Variants in MSL3 observed in about 807,000 individuals in gnomAD.
MSL3 encodes MSL complex subunit 3, also known as MSL3-like 1.
In MSL3, 5 loss-of-function variants were observed where a neutral mutation model predicts 37.2. The observed-to-expected ratio is 0.13, with a 90% CI of 0.07 to 0.28. The LOEUF (loss-of-function observed/expected upper bound fraction) is 0.28, where lower values mean the gene tolerates loss of function less well. MSL3 is among the 10% of genes least tolerant of loss of function. The pLI, the probability that MSL3 is intolerant of heterozygous loss-of-function variation, is 1.00. For synonymous variants in MSL3, 149 were observed against 147.6 expected (o/e 1.01, Z -0.07); for missense variants, 315 against 408.5 (o/e 0.77, Z 1.97).
chrX:11,768,773 T>A, intron 10 of MSL3, 91 bp downstream of exon 10: 1 of 585,916 alleles, frequency 1.7e-6, no homozygotes, highest in Non-Finnish European at 2.9e-6. Flanking sequence ...TAAAGCATCA[T>A]GTTGCTGCTA....
chrX:11,764,454 T>C (rs182936570), intron 8 of MSL3, among the ~76,000 whole-genome samples: 1 of 111,137 alleles, frequency 9.0e-6, no homozygotes, highest in Non-Finnish European at 1.9e-5. Flanking sequence ...GTCACCACTT[T>C]TCCTCCCTCA....
chrX:11,762,386 GT>G (rs1236580265), intron 6 of MSL3, 134 bp downstream of exon 6: 1 of 551,825 alleles, frequency 1.8e-6, no homozygotes, highest in African/African-American at 2.4e-5. Context: ...ATTGAGTCAG[GT>G]TTTAAAGTTC....
Position 11,758,312 on chromosome X carries a change from G to A in MSL3, c.49G>A (p.Val17Met). 8.8e-7 allele frequency: 1 copy of A among 1,131,489 alleles called. No individual in the cohort carries two copies. The highest frequency in any genetic ancestry group is 1.2e-6 in the Non-Finnish European group (1 of 851,939). 93.2% of individuals were successfully genotyped at this position (1,131,489 alleles called of 1,213,427 possible). ...ATTTAAATTCCACTCAGGGGAGAAA[G>A]TGCTGTGCTTCGAGCCTGACCCCAC... ...MKFKFHSGEK[V>M]LCFEPDPTKA... Residue 17 changes from valine (V) to methionine (M), a missense_variant, in exon 1 of 13, where the codon GTG becomes ATG. Physicochemically the swap from Val to Met is conservative, Grantham distance 21. Transcript: ENST00000312196.
At chrX:11,761,366 G>A in intron 4 of MSL3, 134 bp from the exon 5 acceptor site, 1 of 411,080 alleles carries the variant, frequency 2.4e-6, no homozygotes, top group Non-Finnish European at 4.3e-6. Context: ...CAGTATTTGT[G>A]TTTGGCATTT....
chrX:11,767,251 A>G, intron 9 of MSL3: 1 of 754,654 alleles, frequency 1.3e-6, no homozygotes, highest in Non-Finnish European at 1.6e-6. Context: ...CTTTAAGAGA[A>G]GCCCTTTGAA....
rs1001462285 is a variant in MSL3, at chrX:11,772,011, A to C, written c.1282-145A>C. On this transcript the variant is annotated intron_variant, in intron 10 of 12. Transcript: ENST00000312196. ...TCTATTTTAAGTGTTTTTGCCTTTCATCTTTGTTTTTTGTAAGCTTGTGTT... is the reference window on the plus strand; with the variant it reads ...TCTATTTTAAGTGTTTTTGCCTTTCCTCTTTGTTTTTTGTAAGCTTGTGTT... 1.5e-5 allele frequency: 7 copies of C among 459,582 alleles called. No individual in the cohort carries two copies. In the African/African-American group the frequency reaches 1.7e-4, roughly 11 times the overall value. The allele number at this position is 459,582 out of a possible 1,213,427, so 37.9% of individuals were successfully genotyped here.
intron 8 of MSL3, chrX:11,764,206 AC>A (rs2053159583): frequency 4.2e-6 from 1 of 237,173 alleles, no homozygotes; most frequent in Non-Finnish European, 7.4e-6. Flanking sequence ...TTTGGGGAAG[AC>A]GGTAGTGGGT....
At position 11,766,757 on chromosome X, in the gene MSL3, C is replaced by T. The variant is rs2053187493; in HGVS notation, c.1171+1028C>T. 2 of 753,481 alleles carry T rather than the reference C, an allele frequency of 2.7e-6. 1 individual carries two copies. Among genetic ancestry groups the T allele is most frequent in the African/African-American group, 4.6e-5 (2 of 43,453 alleles). 62.1% of individuals were successfully genotyped at this position (753,481 alleles called of 1,213,427 possible). On this transcript the variant is annotated intron_variant, in intron 9 of 12. Transcript: ENST00000312196. ...GGAAACAGAGCTACGCCAGCAGGCGCCAAGCACCCAACTCCAGAGATGGAA... is the reference window on the plus strand; with the variant it reads ...GGAAACAGAGCTACGCCAGCAGGCGTCAAGCACCCAACTCCAGAGATGGAA...
chrX:11,772,794 T>C (rs2053242527), intron 12 of MSL3, 89 bp downstream of exon 12: 1 of 492,430 alleles, frequency 2.0e-6, no homozygotes, highest in Non-Finnish European at 3.4e-6. Flanking sequence ...AAGTCAGCTC[T>C]GTGATATTTT....
In MSL3 at chrX:11,770,167, A is replaced by AT. The variant is rs747675571; in HGVS notation, c.1281+1493dup. Reference sequence around the variant, plus strand: ...CATATCACAAAATATTATTCGTATGATTTTTTTTCCCCAACCATTTTGAAC... The same window carrying AT: ...CATATCACAAAATATTATTCGTATGATTTTTTTTTCCCCAACCATTTTGAAC... On this transcript the variant is annotated intron_variant, in intron 10 of 12. Coordinates refer to ENST00000312196, the MANE Select transcript of MSL3 (RefSeq NM_078629.4). Among the ~76,000 whole-genome samples, 11 of 111,940 alleles carry AT rather than the reference A, an allele frequency of 9.8e-5. No homozygotes were observed. In the East Asian group the frequency reaches 2.3e-3, roughly 23 times the overall value.
chrX:11,758,574 C>G (rs967837799), intron 1 of MSL3: 3 of 1,111,825 alleles, frequency 2.7e-6, no homozygotes, highest in Non-Finnish European at 3.5e-6. Context: ...TCCGTCAGGC[C>G]GGGCGGCGCA....
At chrX:11,764,519 C>T (rs1309327470) in intron 8 of MSL3, among the ~76,000 whole-genome samples, 1 of 110,937 alleles carries the variant, frequency 9.0e-6, no homozygotes, top group African/African-American at 3.3e-5. Context: ...GATCCTGCAA[C>T]CTAAAGTCTT....
intron 1 of MSL3, chrX:11,758,821 T>C: frequency 8.9e-7 from 1 of 1,124,194 alleles, no homozygotes; most frequent in Non-Finnish European, 1.2e-6. Flanking sequence ...TGCGACGTTG[T>C]GTCCCTGGGA....
chrX:11,760,840 G>C lies in MSL3; in HGVS notation c.285G>C (p.Arg95Ser). The C allele has an allele frequency of 8.4e-7, 1 of 1,189,856 alleles. No individual in the cohort carries two copies. ...KLARKAVARL[R>S]STGRKKKRCR... ...GTTGTTTGCTACTCTTTTTCAGGAGGAGCACAGGAAGAAAGAAGAAGCGCT... is the reference window on the plus strand; with the variant it reads ...GTTGTTTGCTACTCTTTTTCAGGAGCAGCACAGGAAGAAAGAAGAAGCGCT... Residue 95 changes from arginine to serine, a missense_variant, in exon 4 of 13, where the codon AGG (arginine) becomes AGC (serine). Physicochemically the swap from Arg to Ser is moderately radical, Grantham distance 110. Transcript: ENST00000312196.
chrX:11,758,310 A>G lies in MSL3; in HGVS notation c.47A>G (p.Lys16Arg). 8.8e-7 allele frequency: 1 copy of G among 1,133,471 alleles called. No individual in the cohort carries two copies. The highest frequency in any genetic ancestry group is 1.2e-6 in the Non-Finnish European group (1 of 853,470). 93.4% of individuals were successfully genotyped at this position (1,133,471 alleles called of 1,213,427 possible). A position where few individuals can be genotyped will look rare whatever the true frequency, so the allele number is the denominator to read the frequency against. ...GMKFKFHSGE[K>R]VLCFEPDPTK... ...AAATTTAAATTCCACTCAGGGGAGA[A>G]AGTGCTGTGCTTCGAGCCTGACCCC... The change falls in exon 1 of 13, where the codon AAA becomes AGA. Residue 16 changes from lysine (K) to arginine (R), a missense_variant. Coordinates refer to ENST00000312196, the MANE Select transcript of MSL3 (RefSeq NM_078629.4).
At chrX:11,761,127 A>C in intron 4 of MSL3, 190 bp downstream of exon 4, 2 of 411,828 alleles carry the variant, frequency 4.9e-6, no homozygotes, top group Non-Finnish European at 8.5e-6. Context: ...TAGCAGAGTC[A>C]TGCTTGTGAC....
chrX:11,774,618 T>C (rs1460420075), intron 12 of MSL3, among the ~76,000 whole-genome samples: 2 of 112,121 alleles, frequency 1.8e-5, no homozygotes, highest in Non-Finnish European at 3.8e-5. Flanking sequence ...GTGCCCAGCC[T>C]ATAATCTGTT....
chrX:11,770,961 AC>A, intron 10 of MSL3, among the ~76,000 whole-genome samples: 1 of 111,965 alleles, frequency 8.9e-6, no homozygotes, highest in Non-Finnish European at 1.9e-5. Context: ...AGATGCTGGA[AC>A]GATCCCTTCC....
intron 8 of MSL3, among the ~76,000 whole-genome samples, chrX:11,765,046 T>A (rs779638986): frequency 8.9e-6 from 1 of 112,990 alleles, no homozygotes; most frequent in South Asian, 3.6e-4. Flanking sequence ...GGTATTCTTG[T>A]TCTCTAGACC....
Sources: gnomAD v4.1 joint callset for allele counts (sites outside exome capture counted in the v4.1 genomes callset) on GRCh38, gnomAD v4.1.1 for gene constraint, MANE v1.5 for transcripts, NCBI Gene and HGNC (gene_info 2026-07-23, HGNC 2026-07-21) for gene names.